The following MAP3K13 variants were observed in gnomAD, a reference collection of about 807,000 sequenced individuals.
The protein encoded by MAP3K13 is leucine zipper-bearing kinase.
In MAP3K13, 52 loss-of-function variants were observed where a neutral mutation model predicts 104.0. That is an observed-to-expected ratio of 0.50 (90% confidence interval 0.40 to 0.63). The LOEUF (loss-of-function observed/expected upper bound fraction) is 0.63. Ranked by LOEUF, MAP3K13 falls within the 20% of genes least tolerant of loss-of-function variation. MAP3K13 has a pLI of 0.00. For missense variants in MAP3K13, 914 were observed against 1,218.5 expected, an observed-to-expected ratio of 0.75 and a Z score of 3.72; for synonymous variants, 394 against 442.2, an observed-to-expected ratio of 0.89 and a Z score of 1.37.
chr3:185,344,284 T>C (rs1327341197), intron 2 of MAP3K13, among the ~76,000 whole-genome samples: 2 of 151,954 alleles, frequency 1.3e-5, no homozygotes, highest in Non-Finnish European at 2.9e-5. Context: ...GGGGAGTGAA[T>C]AGATAAGTCA....
At chr3:185,408,349 A>C (rs1242641795) in intron 1 of MAP3K13, among the ~76,000 whole-genome samples, 1 of 152,020 alleles carries the variant, frequency 6.6e-6, no homozygotes, top group Admixed American at 6.6e-5. Context: ...AGGCGGGTGG[A>C]TCTCTTGAGG....
chr3:185,455,668 GAT>G lies in MAP3K13; in HGVS notation c.1278+4282_1278+4283del, dbSNP rs1330907047. Reference sequence around the variant, plus strand: ...TGAGATATATATATGATATATATATGATATATATATGAGATATATATATGATA... The same window carrying G: ...TGAGATATATATATGATATATATATGATATATATGAGATATATATATGATA... On this transcript the variant is annotated intron_variant, in intron 7 of 13. Coordinates refer to ENST00000265026, the MANE Select transcript of MAP3K13 (RefSeq NM_004721.5). 8.4e-3 allele frequency among the ~76,000 whole-genome samples: 156 copies of G among 18,496 alleles called. 9 individuals are homozygous for G. The highest frequency in any genetic ancestry group is 9.9e-3 in the Non-Finnish European group (74 of 7,492). The allele number at this position is 18,496 out of a possible 152,430, so 12.1% of individuals were successfully genotyped here. A position where few individuals can be genotyped will look rare whatever the true frequency, so the allele number is the denominator to read the frequency against.
Position 185,329,614 on chromosome 3 carries a change from T to C in MAP3K13, c.-86+43971T>C, listed in dbSNP as rs13324151. 5.8e-3 allele frequency among the ~76,000 whole-genome samples: 876 copies of C among 152,340 alleles called. 7 individuals are homozygous for C. The highest frequency in any genetic ancestry group is 0.019 in the African/African-American group (784 of 41,570). ...TGACATCTGTATGGATTTTTCAGAC[T>C]AAATTCCCAGTACTATGGTGCGTAA... On this transcript the variant is annotated intron_variant, in intron 2 of 14. Coordinates refer to the MAP3K13 transcript ENST00000424227.
chr3:185,454,985 TGA>T (rs1482075452), intron 7 of MAP3K13, among the ~76,000 whole-genome samples: 1 of 55,972 alleles, frequency 1.8e-5, no homozygotes, highest in Non-Finnish European at 4.1e-5. Context: ...ATGATATATA[TGA>T]GATATATATG....
chr3:185,362,975 A>G (rs1364301785), upstream of MAP3K13: 3 of 345,856 alleles, frequency 8.7e-6, no homozygotes, highest in African/African-American at 6.5e-5. Flanking sequence ...ACACACACAC[A>G]CACACACTCA....
chr3:185,424,148 AG>A, intron 1 of MAP3K13, among the ~76,000 whole-genome samples: 1 of 152,338 alleles, frequency 6.6e-6, no homozygotes, highest in East Asian at 1.9e-4. Flanking sequence ...TGTCATGATT[AG>A]GGAAAATAAC....
rs1376202044 is a variant in MAP3K13, at chr3:185,428,912, A to G, written c.331A>G (p.Ser111Gly). The G allele has an allele frequency of 6.2e-7, 1 of 1,614,078 alleles. No individual in the cohort carries two copies. The highest frequency in any genetic ancestry group is 8.5e-7 in the Non-Finnish European group (1 of 1,180,040). Reference protein sequence around the residue: ...NSNTVDGESTSGTEDIKIQFS... With the variant: ...NSNTVDGESTGGTEDIKIQFS... ...CAACACGGTGGACGGAGAGAGCACA[A>G]GCGGAACTGAAGACATAAAGATTCA... Residue 111 changes from serine to glycine, a missense_variant, in exon 2 of 14, where the codon AGC becomes GGC. Around this residue, in one of 3 missense-constraint regions of MAP3K13, gnomAD observed 156 missense variants for 159.8 expected, o/e 0.98. Coordinates refer to ENST00000265026, the MANE Select transcript of MAP3K13 (RefSeq NM_004721.5).
In MAP3K13 at chr3:185,320,215, G is replaced by T. The variant is rs187569987; in HGVS notation, c.-86+34572G>T. On this transcript the variant is annotated intron_variant, in intron 2 of 14. Coordinates refer to the MAP3K13 transcript ENST00000424227. Reference sequence around the variant, plus strand: ...CCTGCCTCAGCCTCCCAAGTAGCTGGGATTACAGGCGCCCGCCACCACGCC... The same window carrying T: ...CCTGCCTCAGCCTCCCAAGTAGCTGTGATTACAGGCGCCCGCCACCACGCC... 5.3e-3 allele frequency among the ~76,000 whole-genome samples: 807 copies of T among 152,012 alleles called. 12 individuals carry two copies. The highest frequency in any genetic ancestry group is 0.019 in the African/African-American group (780 of 41,426).
chr3:185,373,370 G>C (rs1724251587), intron 1 of MAP3K13, among the ~76,000 whole-genome samples: 1 of 152,148 alleles, frequency 6.6e-6, no homozygotes, highest in South Asian at 2.1e-4. Context: ...ATGTTTTTCA[G>C]CTGGCTCACG....
At chr3:185,401,039 C>G (rs765064278) in intron 1 of MAP3K13, among the ~76,000 whole-genome samples, 42 of 151,806 alleles carry the variant, frequency 2.8e-4, no homozygotes, top group Middle Eastern at 3.2e-3. Flanking sequence ...CACTAGGGCA[C>G]CTTGTTTGGG....
intron 1 of MAP3K13, among the ~76,000 whole-genome samples, chr3:185,406,992 T>A (rs1421633184): frequency 6.6e-6 from 1 of 152,156 alleles, no homozygotes; most frequent in African/African-American, 2.4e-5. Flanking sequence ...ACAACATTTT[T>A]ATCCAGTAAA....
intron 2 of MAP3K13, among the ~76,000 whole-genome samples, chr3:185,294,329 G>C (rs1720845019): frequency 1.3e-5 from 2 of 152,164 alleles, no homozygotes; most frequent in African/African-American, 4.8e-5. Context: ...TGAACAATAG[G>C]GCATGGTTGT....
At chr3:185,361,962 A>T, upstream of MAP3K13, among the ~76,000 whole-genome samples, 1 of 152,178 alleles carries the variant, frequency 6.6e-6, no homozygotes, top group East Asian at 1.9e-4. Context: ...TTTCCAAATG[A>T]GCTAAGAAGT....
intron 7 of MAP3K13, among the ~76,000 whole-genome samples, chr3:185,461,057 C>T (rs535862064): frequency 2.6e-5 from 4 of 152,294 alleles, no homozygotes; most frequent in African/African-American, 7.2e-5. Context: ...GTCATTCTTT[C>T]GCCTCCTAAG....
rs1417804008 is a variant in MAP3K13, at chr3:185,486,420, AAG to A, written c.*3965_*3966del. Reference sequence around the variant, plus strand: ...AATAAGGTCCTTAGTGGAGGTTAAAAAGGGAAATACCTTCTCTAGCCCAGCCT... The same window carrying A: ...AATAAGGTCCTTAGTGGAGGTTAAAAGGAAATACCTTCTCTAGCCCAGCCT... On this transcript the variant is annotated 3_prime_UTR_variant, in exon 14 of 14. Transcript: ENST00000265026. 1.2e-4 allele frequency: 18 copies of A among 152,174 alleles called. No individual in the cohort carries two copies. The highest frequency in any genetic ancestry group is 1.3e-4 in the Admixed American group (2 of 15,272). 9.4% of individuals were successfully genotyped at this position (152,174 alleles called of 1,614,324 possible).
chr3:185,475,952 T>C (rs1053463260), intron 11 of MAP3K13, among the ~76,000 whole-genome samples: 1 of 152,196 alleles, frequency 6.6e-6, no homozygotes, highest in Admixed American at 6.5e-5. Flanking sequence ...AACTTGTATT[T>C]TTTGATAACT....
At chr3:185,393,353 C>G (rs1422699341) in intron 1 of MAP3K13, among the ~76,000 whole-genome samples, 1 of 152,158 alleles carries the variant, frequency 6.6e-6, no homozygotes, top group Non-Finnish European at 1.5e-5. Context: ...AGTCAATATC[C>G]ACAGGGCAAT....
At chr3:185,455,087 T>C (rs188139566) in intron 7 of MAP3K13, among the ~76,000 whole-genome samples, 4 of 108,410 alleles carry the variant, frequency 3.7e-5, no homozygotes, top group South Asian at 3.3e-4. Context: ...ATGTGAGATA[T>C]ATATATGAGA....
In MAP3K13 at chr3:185,410,189, G is replaced by A. The variant is rs371969157; in HGVS notation, c.-85-18308G>A. Among the ~76,000 whole-genome samples, 10 of 152,220 alleles carry A rather than the reference G, an allele frequency of 6.6e-5. No individual in the cohort carries two copies. The East Asian group carries it at 1.9e-3, about 29-fold the overall frequency. On this transcript the variant is annotated intron_variant, in intron 1 of 13. Transcript: ENST00000265026. ...AAGCCACAAACCAGTACCAGTCTGC[G>A]GTCTGGGAGCTGGGGATCCCTGGCC... is the stretch of plus-strand genomic sequence containing the variant.
Sources: allele counts gnomAD v4.1 joint callset (sites outside exome capture counted in the v4.1 genomes callset), GRCh38; gene constraint gnomAD v4.1.1; regional missense constraint gnomAD v4.1.1; transcripts MANE v1.5; gene names NCBI Gene and HGNC (gene_info 2026-07-23, HGNC 2026-07-21).